MTOR: variants seen among roughly 807,000 people sequenced by gnomAD.
MTOR encodes the protein serine/threonine-protein kinase mTOR.
Under a neutral mutation model 319.8 loss-of-function variants are expected in MTOR, and 70 were observed. The observed-to-expected ratio is 0.22, with a 90% CI of 0.18 to 0.27. The LOEUF is 0.27. Among genes scored for constraint, MTOR ranks in the 10% least tolerant of loss-of-function variants. The pLI is 1.00. For synonymous variants in MTOR, 1,183 were observed against 1,211.4 expected (o/e 0.98, Z 0.49); for missense variants, 1,890 against 3,274.4 (o/e 0.58, Z 10.32).
At position 11,129,818 on chromosome 1, in the gene MTOR, CAGG is replaced by C. The variant is rs754985577; in HGVS notation, c.5631_5633del (p.Leu1878del). 6.2e-7 allele frequency: 1 copy of C among 1,614,204 alleles called. No individual in the cohort carries two copies. The highest frequency in any genetic ancestry group is 8.5e-7 in the Non-Finnish European group (1 of 1,180,022). On this transcript the variant is annotated inframe_deletion, in exon 40 of 58. Coordinates refer to ENST00000361445, the MANE Select transcript of MTOR (RefSeq NM_004958.4). The surrounding 1 kb of genome is among the most constrained non-coding windows in gnomAD (Gnocchi z 4.7). ...CCTGGACGGCAGGCACCGTGTACAT[CAGG>C]AGGGTTTTGGACAGATCCTGTTGGA...
chr1:11,149,979 G>T, intron 31 of MTOR, 147 bp downstream of exon 31: 1 of 565,296 alleles, frequency 1.8e-6, no homozygotes, highest in Non-Finnish European at 3.1e-6. Context: ...AGGACAGATG[G>T]AAGGTGTAGA....
intron 29 of MTOR, among the ~76,000 whole-genome samples, chr1:11,159,912 G>A (rs1644422460): frequency 6.6e-6 from 1 of 152,072 alleles, no homozygotes; most frequent in African/African-American, 2.4e-5. Flanking sequence ...AGTTGATTAA[G>A]TTGATGCTTT....
At chr1:11,168,690 G>A (rs1350489631) in intron 28 of MTOR, among the ~76,000 whole-genome samples, 1 of 152,194 alleles carries the variant, frequency 6.6e-6, no homozygotes, top group Non-Finnish European at 1.5e-5. Flanking sequence ...GCCATCTTTA[G>A]GCTGGAGGAC....
chr1:11,155,324 G>A (rs898624328), intron 30 of MTOR, among the ~76,000 whole-genome samples: 15 of 152,158 alleles, frequency 9.9e-5, no homozygotes, highest in Admixed American at 4.6e-4. Context: ...GCACATTGCC[G>A]TCAATGTACA....
Position 11,259,336 on chromosome 1 carries a change from A to C in MTOR, c.74T>G (p.Phe25Cys). 6.2e-7 allele frequency: 1 copy of C among 1,612,562 alleles called. No individual in the cohort carries two copies. The highest frequency in any genetic ancestry group is 8.5e-7 in the Non-Finnish European group (1 of 1,179,482). ...ATTCCGGCTCTTTAGGCCACTGGCA[A>C]ACTGCTGCAGGACGCTCACATTGCT... is the stretch of plus-strand genomic sequence containing the variant. ...TSSNVSVLQQ[F>C]ASGLKSRNEE... The change falls in exon 2 of 58, where the codon TTT becomes TGT. Residue 25 changes from phenylalanine to cysteine, a missense_variant. Phe to Cys is a radical substitution (Grantham distance 205). This residue lies in a region of MTOR where 85 missense variants were observed against 105.8 expected (regional missense o/e 0.80). Coordinates refer to ENST00000361445, the MANE Select transcript of MTOR (RefSeq NM_004958.4).
In MTOR at chr1:11,114,370, G is replaced by A. The variant is rs140218342; in HGVS notation, c.7248C>T (p.Ala2416=). ...VLREHKDSVM[A]VLEAFVYDPL... The stretch of plus-strand genomic sequence containing the variant: ...GGTCATAGACAAAGGCTTCCAGCAC[G>A]GCCATGACACTGTCCTTGTGCTCTC... The change falls in exon 53 of 58, where the codon GCC becomes GCT. Residue 2416 remains alanine, a synonymous_variant. Transcript: ENST00000361445. The A allele has an allele frequency of 3.7e-5, 60 of 1,614,178 alleles. 1 individual carries two copies. In the East Asian group the frequency reaches 9.4e-4, roughly 25 times the overall value.
At chr1:11,114,743 A>C in intron 52 of MTOR, 70 bp downstream of exon 52, 1 of 1,460,532 alleles carries the variant, frequency 6.8e-7, no homozygotes, top group South Asian at 1.2e-5. Flanking sequence ...GGCTCTAACA[A>C]GCGTGTTCTC....
At chr1:11,196,146 G>A (rs376744321) in intron 28 of MTOR, among the ~76,000 whole-genome samples, 83 of 152,286 alleles carry the variant, frequency 5.5e-4, no homozygotes, top group African/African-American at 1.9e-3. Flanking sequence ...CAAAAGGGCA[G>A]CAACCAGGAC....
At chr1:11,243,493 A>G (rs1648366458) in intron 8 of MTOR, among the ~76,000 whole-genome samples, 193 bp from the exon 9 acceptor site, 1 of 151,960 alleles carries the variant, frequency 6.6e-6, no homozygotes, top group African/African-American at 2.4e-5. Flanking sequence ...GGAGTTCGAA[A>G]CAGCCTGGGC....
chr1:11,180,717 G>A (rs1645118936), intron 28 of MTOR, among the ~76,000 whole-genome samples: 1 of 152,052 alleles, frequency 6.6e-6, no homozygotes, highest in Non-Finnish European at 1.5e-5. Flanking sequence ...TTTGGGGACA[G>A]ATGAGCTTTG....
At chr1:11,213,153 AT>A (rs530565204) in intron 21 of MTOR, among the ~76,000 whole-genome samples, 10 of 152,340 alleles carry the variant, frequency 6.6e-5, no homozygotes, top group Admixed American at 5.2e-4. Flanking sequence ...AATAAAGAAA[AT>A]TAGTCTGGGA....
At position 11,201,207 on chromosome 1, in the gene MTOR, T is replaced by C. The variant is rs577702797; in HGVS notation, c.3945-1504A>G. Among the ~76,000 whole-genome samples the C allele has an allele frequency of 9.9e-5, 15 of 152,120 alleles. No individual in the cohort carries two copies. In the South Asian group the frequency reaches 2.3e-3, roughly 23 times the overall value. ...TTCCTGATCTAGGTCAGAGGCCACATTGGATCTTGAATGAACGTATTTGGG... is the reference window on the plus strand; with the variant it reads ...TTCCTGATCTAGGTCAGAGGCCACACTGGATCTTGAATGAACGTATTTGGG... On this transcript the variant is annotated intron_variant, in intron 26 of 57. Coordinates refer to ENST00000361445, the MANE Select transcript of MTOR (RefSeq NM_004958.4).
At chr1:11,216,919 T>A (rs922918266) in intron 19 of MTOR, among the ~76,000 whole-genome samples, 13 of 152,224 alleles carry the variant, frequency 8.5e-5, no homozygotes, top group Non-Finnish European at 1.9e-4. Flanking sequence ...TCAATGAATG[T>A]CTGTATCATT....
intron 28 of MTOR, chr1:11,192,488 G>C: frequency 1.2e-6 from 1 of 808,400 alleles, no homozygotes; most frequent in South Asian, 1.6e-5. Context: ...GGGCGCAGTG[G>C]CTCACACCTG....
At chr1:11,217,124 G>A (rs1286428101) in intron 19 of MTOR, among the ~76,000 whole-genome samples, 1 of 152,094 alleles carries the variant, frequency 6.6e-6, no homozygotes, top group Non-Finnish European at 1.5e-5. Flanking sequence ...AATTAACTAT[G>A]TCTCTGAGAG....
rs1181750566 is a variant in MTOR, at chr1:11,256,189, G to A, written c.508C>T (p.Leu170=). The A allele has an allele frequency of 1.2e-6, 2 of 1,613,378 alleles. No homozygotes were observed. The highest frequency in any genetic ancestry group is 2.7e-5 in the African/African-American group (2 of 74,916). Residue 170 remains leucine (L), a synonymous_variant, in exon 5 of 58, where the codon CTG becomes TTG. Coordinates refer to ENST00000361445, the MANE Select transcript of MTOR (RefSeq NM_004958.4). The part of the protein sequence containing the change: ...RNEGRRHAAV[L]VLRELAISVP... ...CTGATGGCCAGCTCACGGAGAACCA[G>A]GACCTGGAGAAAAAAGCAAACCGAG...
In MTOR at chr1:11,238,490, A is replaced by C. The variant is rs1647506509; in HGVS notation, c.1914T>G (p.Ser638Arg). ...TCTGGCTAACCACATGAGCATGGCCACTGATGAGGTGGATGGAGGGTGTGA... is the reference window on the plus strand; with the variant it reads ...TCTGGCTAACCACATGAGCATGGCCCCTGATGAGGTGGATGGAGGGTGTGA... ...RLLTPSIHLI[S>R]GHAHVVSQTA... The change falls in exon 12 of 58, where the codon AGT becomes AGG. Residue 638 changes from serine (S) to arginine (R), a missense_variant. By Grantham distance (110) the Ser-to-Arg change is moderately radical. This residue lies in a region of MTOR where 418 missense variants were observed against 543.1 expected (regional missense o/e 0.77). Transcript: ENST00000361445. 1 of 1,614,098 alleles carries C rather than the reference A, an allele frequency of 6.2e-7. No homozygotes were observed.
intron 29 of MTOR, 115 bp downstream of exon 29, chr1:11,167,327 C>G: frequency 1.3e-6 from 1 of 756,238 alleles, no homozygotes; most frequent in South Asian, 1.5e-5. Flanking sequence ...CAGCATCAGA[C>G]TGTTATGAAT....
chr1:11,147,171 G>C (rs968334849), intron 31 of MTOR, among the ~76,000 whole-genome samples: 2 of 152,188 alleles, frequency 1.3e-5, no homozygotes, highest in Non-Finnish European at 2.9e-5. Flanking sequence ...TACTGAGACA[G>C]CTCACAGTTC....
Sources: allele counts gnomAD v4.1 joint callset (sites outside exome capture counted in the v4.1 genomes callset), GRCh38; gene constraint gnomAD v4.1.1; regional missense constraint gnomAD v4.1.1; non-coding constraint Gnocchi (gnomAD v3.1); transcripts MANE v1.5; gene names NCBI Gene and HGNC (gene_info 2026-07-23, HGNC 2026-07-21).